TG: variants seen among roughly 807,000 people sequenced by gnomAD.
TG encodes thyroglobulin.
Under a neutral mutation model 324.7 loss-of-function variants are expected in TG, and 270 were observed. That is an observed-to-expected ratio of 0.83 (90% confidence interval 0.75 to 0.92). TG has a LOEUF of 0.92. TG is among the 40% of genes least tolerant of loss of function. TG has a pLI of 0.00. For missense variants in TG, 3,591 were observed against 3,456.4 expected, an observed-to-expected ratio of 1.04 and a Z score of -0.98; for synonymous variants, 1,401 against 1,327.0, an observed-to-expected ratio of 1.06 and a Z score of -1.21.
intron 35 of TG, among the ~76,000 whole-genome samples, chr8:132,989,795 G>A (rs903286406): frequency 9.2e-5 from 14 of 152,128 alleles, no homozygotes; most frequent in East Asian, 3.9e-4. Flanking sequence ...TGTCAGCACC[G>A]GCGGGAAGCA....
At chr8:133,056,503 G>A (rs2702967) in intron 41 of TG, among the ~76,000 whole-genome samples, 72,139 of 151,952 alleles carry the variant, frequency 0.47, 17,411 homozygotes, top group Middle Eastern at 0.5. Flanking sequence ...TTGAAACCCT[G>A]TCCTTTCCAG....
intron 32 of TG, among the ~76,000 whole-genome samples, chr8:132,970,856 A>G (rs1829405075): frequency 6.6e-6 from 1 of 152,204 alleles, no homozygotes; most frequent in South Asian, 2.1e-4. Context: ...TGGACAGGTT[A>G]GCAGAGAACT....
rs762000057 is a variant in TG at position 133,113,417 on chromosome 8, T to C, written c.7573-5T>C. 5 of 1,614,026 alleles carry C rather than the reference T, an allele frequency of 3.1e-6. No homozygotes were observed. The highest frequency in any genetic ancestry group is 3.3e-5 in the Admixed American group (2 of 60,006). The stretch of plus-strand genomic sequence containing the variant: ...GAGGAATTTCGTATCTTTTTTTTTT[T>C]CTAGCAATTTGAGGAAAGTCGAGGC... On this transcript the variant is annotated splice_region_variant and splice_polypyrimidine_tract_variant and intron_variant, in intron 43 of 47. Coordinates refer to ENST00000220616, the MANE Select transcript of TG (RefSeq NM_003235.5).
In TG at chr8:132,887,256, T is replaced by C. The variant is rs766406792; in HGVS notation, c.1884T>C (p.Asp628=). 4 of 1,602,876 alleles carry C rather than the reference T, an allele frequency of 2.5e-6. No individual in the cohort carries two copies. The highest frequency in any genetic ancestry group is 3.4e-6 in the Non-Finnish European group (4 of 1,173,506). ...GCACGACAGAAGGAAGCTATGAGGA[T>C]GTCCAATGCTTTTCCGGAGAGTGCT... The part of the protein sequence containing the change: ...PSCTTEGSYE[D]VQCFSGECWC... Residue 628 remains aspartate, a synonymous_variant, in exon 9 of 48, where the codon GAT becomes GAC. Transcript: ENST00000220616.
At chr8:132,899,106 T>A in intron 14 of TG, 196 bp downstream of exon 14, 1 of 634,162 alleles carries the variant, frequency 1.6e-6, no homozygotes, top group East Asian at 2.8e-5. Flanking sequence ...CCCAGTTTGT[T>A]TTGTTTAATC....
At chr8:133,092,121 G>A (rs1361405001) in intron 41 of TG, among the ~76,000 whole-genome samples, 1 of 152,120 alleles carries the variant, frequency 6.6e-6, no homozygotes, top group Non-Finnish European at 1.5e-5. Flanking sequence ...TTTTAAAAGA[G>A]AAAGAGAATC....
At chr8:132,893,612 G>GT in intron 10 of TG, 78 bp from the exon 11 acceptor site, 1 of 1,588,860 alleles carries the variant, frequency 6.3e-7, no homozygotes, top group Non-Finnish European at 8.6e-7. Context: ...GTGTGCGTGA[G>GT]GGCACACATG....
intron 35 of TG, among the ~76,000 whole-genome samples, chr8:132,988,493 A>G (rs1284707331): frequency 6.6e-6 from 1 of 152,192 alleles, no homozygotes; most frequent in Non-Finnish European, 1.5e-5. Flanking sequence ...AAGCAGTGGA[A>G]CAATGATCTT....
chr8:132,986,666 A>G (rs1262497572), intron 35 of TG, among the ~76,000 whole-genome samples: 1 of 152,152 alleles, frequency 6.6e-6, no homozygotes, highest in Non-Finnish European at 1.5e-5. Flanking sequence ...ATCATTATAA[A>G]AATAGCAAAG....
chr8:132,886,496 T>C lies in TG; in HGVS notation c.1124T>C (p.Leu375Pro), dbSNP rs773657271. 3 of 1,614,188 alleles carry C rather than the reference T, an allele frequency of 1.9e-6. No homozygotes were observed. Among genetic ancestry groups the C allele is most frequent in the South Asian group, 1.1e-5 (1 of 91,086 alleles). The change falls in exon 9 of 48, where the codon CTC (leucine) becomes CCC (proline). Residue 375 changes from leucine (L) to proline (P), a missense_variant. Coordinates refer to ENST00000220616, the MANE Select transcript of TG (RefSeq NM_003235.5). ...ASERQQALSRLYFGTSGYFSQ... is the reference protein window; with the variant it reads ...ASERQQALSRPYFGTSGYFSQ... Reference sequence around the variant, plus strand: ...GAAAGGCAGCAGGCCTTGTCCAGACTCTACTTTGGGACCTCAGGCTACTTC... The same window carrying C: ...GAAAGGCAGCAGGCCTTGTCCAGACCCTACTTTGGGACCTCAGGCTACTTC...
chr8:132,915,129 G>C (rs532000267), intron 20 of TG, among the ~76,000 whole-genome samples: 9 of 152,272 alleles, frequency 5.9e-5, no homozygotes, highest in African/African-American at 1.9e-4. Context: ...TGCATGTTGG[G>C]AGCAGGGGCT....
At chr8:133,131,010 A>G (rs1467077958) in intron 45 of TG, among the ~76,000 whole-genome samples, 2 of 152,196 alleles carry the variant, frequency 1.3e-5, no homozygotes, top group Non-Finnish European at 2.9e-5. Context: ...GAGAAACAAG[A>G]CAGCTTCAAC....
At chr8:133,094,923 G>A (rs960626892) in intron 41 of TG, 121 bp from the exon 42 acceptor site, 28 of 1,361,732 alleles carry the variant, frequency 2.1e-5, no homozygotes, top group Non-Finnish European at 2.9e-5. Flanking sequence ...CCCAGAATGG[G>A]TCCTGGGACT....
At chr8:133,131,699 T>A in intron 45 of TG, 113 bp from the exon 46 acceptor site, 1 of 1,475,314 alleles carries the variant, frequency 6.8e-7, no homozygotes, top group Non-Finnish European at 9.2e-7. Context: ...GGATATGATA[T>A]AAAGAAGGGA....
At chr8:132,971,640 A>G (rs1199884007) in intron 32 of TG, among the ~76,000 whole-genome samples, 154 bp from the exon 33 acceptor site, 1 of 152,140 alleles carries the variant, frequency 6.6e-6, no homozygotes, top group Non-Finnish European at 1.5e-5. Context: ...CTAAGAATCC[A>G]CTCATGCATA....
intron 41 of TG, chr8:133,087,668 T>C (rs1369516847): frequency 2.6e-5 from 4 of 152,224 alleles, no homozygotes; most frequent in African/African-American, 4.8e-5. Flanking sequence ...CAAGTTAGAA[T>C]AGTCTAAAAA....
At chr8:133,033,995 G>A (rs187748292) in intron 41 of TG, among the ~76,000 whole-genome samples, 2 of 152,348 alleles carry the variant, frequency 1.3e-5, no homozygotes, top group East Asian at 3.9e-4. Context: ...CTAAAGTGAT[G>A]AGAGAGATGG....
At chr8:133,109,777 C>G (rs1238340730) in intron 43 of TG, among the ~76,000 whole-genome samples, 4 of 152,206 alleles carry the variant, frequency 2.6e-5, no homozygotes, top group Admixed American at 2.6e-4. Flanking sequence ...CTCGGCTACT[C>G]CCTTTGCCGA....
intron 40 of TG, among the ~76,000 whole-genome samples, chr8:133,023,251 A>G (rs1188340207): frequency 6.6e-6 from 1 of 152,232 alleles, no homozygotes; most frequent in Non-Finnish European, 1.5e-5. Flanking sequence ...ATGGGCAACA[A>G]GTTAAGACAA....
Sources: gnomAD v4.1 joint callset for allele counts (sites outside exome capture counted in the v4.1 genomes callset) on GRCh38, gnomAD v4.1.1 for gene constraint, MANE v1.5 for transcripts, NCBI Gene and HGNC (gene_info 2026-07-23, HGNC 2026-07-21) for gene names.